PDHX: variants seen among roughly 807,000 people sequenced by gnomAD.
PDHX encodes the protein pyruvate dehydrogenase protein X component, mitochondrial.
In PDHX, 33 loss-of-function variants were observed where a neutral mutation model predicts 55.3. The observed-to-expected ratio is 0.60, with a 90% confidence interval of 0.45 to 0.80. The LOEUF is 0.80. Ranked by LOEUF, PDHX falls within the 30% of genes least tolerant of loss-of-function variation. The pLI, the probability that PDHX is intolerant of heterozygous loss-of-function variation, is 0.00. For missense variants in PDHX, 622 were observed against 619.9 expected (o/e 1.00, Z -0.04); for synonymous variants, 226 against 219.4 (o/e 1.03, Z -0.27).
chr11:34,935,020 C>A (rs2985404), intron 2 of PDHX, among the ~76,000 whole-genome samples: 56,536 of 151,624 alleles, frequency 0.37, 10,922 homozygotes, highest in East Asian at 0.74. Flanking sequence ...TTCAGAATAA[C>A]CCTGGTTGAG....
intron 1 of PDHX, among the ~76,000 whole-genome samples, chr11:34,923,460 A>G (rs1331156124): frequency 1.3e-5 from 2 of 152,158 alleles, no homozygotes; most frequent in Non-Finnish European, 2.9e-5. Context: ...TTTTATATAT[A>G]ATTCTGAGTC....
rs1855414955 is a variant in PDHX, at chr11:34,977,994, C to CA, written c.965-127dup. On this transcript the variant is annotated intron_variant, in intron 7 of 10. Transcript: ENST00000227868. ...AATCATGGGAACCTTATTGACTAAGCAAACAAAAGCTTGTAATTTTTTATC... is the reference window on the plus strand; with the variant it reads ...AATCATGGGAACCTTATTGACTAAGCAAAACAAAAGCTTGTAATTTTTTATC... 5 of 648,580 alleles carry CA rather than the reference C, an allele frequency of 7.7e-6. No homozygotes were observed. The South Asian group carries it at 8.9e-5, about 11-fold the overall frequency. The allele number at this position is 648,580 out of a possible 1,614,324, so 40.2% of individuals were successfully genotyped here. A position where few individuals can be genotyped will look rare whatever the true frequency, so the allele number is the denominator to read the frequency against.
intron 2 of PDHX, among the ~76,000 whole-genome samples, chr11:34,935,068 C>T (rs1057103358): frequency 1.3e-5 from 2 of 151,944 alleles, no homozygotes; most frequent in South Asian, 2.1e-4. Flanking sequence ...GAAACAAGAT[C>T]GGTCATGAAT....
At chr11:34,966,920 TGGCTCACTGC>T (rs1388104131) in intron 6 of PDHX, 106 bp downstream of exon 6, 3 of 972,230 alleles carry the variant, frequency 3.1e-6, no homozygotes, top group Non-Finnish European at 4.8e-6. Context: ...GGCACAATCT[TGGCTCACTGC>T]AGCCTCTGCC....
upstream of PDHX, chr11:34,916,530 G>T (rs1344207450): frequency 6.8e-7 from 1 of 1,466,232 alleles, no homozygotes; most frequent in South Asian, 1.3e-5. Flanking sequence ...TGGGGGGCGG[G>T]GGTTCAAGTC....
At chr11:34,936,797 T>G (rs976404234) in intron 2 of PDHX, among the ~76,000 whole-genome samples, 9 of 127,624 alleles carry the variant, frequency 7.1e-5, no homozygotes, top group South Asian at 2.8e-4. Flanking sequence ...TTTTTTTTTT[T>G]TTTTTTTTCT....
intron 10 of PDHX, among the ~76,000 whole-genome samples, chr11:34,994,561 A>G (rs1855819268): frequency 6.6e-6 from 1 of 152,234 alleles, no homozygotes. Flanking sequence ...CTATGATGCC[A>G]CTAGGCAGCA....
intron 7 of PDHX, among the ~76,000 whole-genome samples, chr11:34,973,758 CAT>C (rs1387325817): frequency 6.6e-6 from 1 of 152,090 alleles, no homozygotes; most frequent in Admixed American, 6.5e-5. Flanking sequence ...CCCCAGAATA[CAT>C]GTTTAATGTT....
At chr11:34,927,946 G>A (rs1854062123) in intron 1 of PDHX, among the ~76,000 whole-genome samples, 1 of 151,986 alleles carries the variant, frequency 6.6e-6, no homozygotes, top group Non-Finnish European at 1.5e-5. Flanking sequence ...TTCATGAAGG[G>A]TGACTAAGGA....
chr11:34,979,057 T>C (rs1855446347), intron 8 of PDHX, among the ~76,000 whole-genome samples: 1 of 151,984 alleles, frequency 6.6e-6, no homozygotes, highest in African/African-American at 2.4e-5. Flanking sequence ...CAAATGGAGC[T>C]AGGGTGAAGT....
chr11:34,950,001 A>G (rs1387830071), intron 3 of PDHX, among the ~76,000 whole-genome samples: 1 of 152,208 alleles, frequency 6.6e-6, no homozygotes, highest in Non-Finnish European at 1.5e-5. Flanking sequence ...TAAAAATAGC[A>G]GAATAATTAT....
At chr11:34,943,846 C>T (rs1167582773) in intron 2 of PDHX, among the ~76,000 whole-genome samples, 1 of 152,000 alleles carries the variant, frequency 6.6e-6, no homozygotes. Context: ...TTCTAGGAAG[C>T]CTTTTCTCAC....
intron 1 of PDHX, among the ~76,000 whole-genome samples, chr11:34,928,600 A>G (rs1036548664): frequency 1.3e-5 from 2 of 152,172 alleles, no homozygotes; most frequent in African/African-American, 4.8e-5. Flanking sequence ...TAAAAAAGAA[A>G]AAGGCAGTAG....
chr11:34,956,748 TA>T (rs1258935392), intron 3 of PDHX, among the ~76,000 whole-genome samples: 4 of 152,114 alleles, frequency 2.6e-5, no homozygotes, highest in African/African-American at 9.7e-5. Context: ...GATATACTTA[TA>T]AAAAAACTCA....
intron 9 of PDHX, 184 bp downstream of exon 9, chr11:34,984,912 C>A: frequency 1.7e-6 from 1 of 582,832 alleles, no homozygotes; most frequent in Non-Finnish European, 3.0e-6. Flanking sequence ...AAGTATGACC[C>A]ATTGTAAGAA....
At chr11:34,957,329 C>A (rs530669627) in intron 3 of PDHX, 55 bp from the exon 4 acceptor site, 1 of 1,095,378 alleles carries the variant, frequency 9.1e-7, no homozygotes, top group Non-Finnish European at 1.3e-6. Flanking sequence ...GAACAAACTA[C>A]TTAATGCAGT....
At chr11:34,939,786 A>G (rs1203701377) in intron 2 of PDHX, among the ~76,000 whole-genome samples, 1 of 152,230 alleles carries the variant, frequency 6.6e-6, no homozygotes, top group Non-Finnish European at 1.5e-5. Context: ...AATAAGTTTT[A>G]TAATGACTAT....
chr11:34,950,901 T>C (rs1458189871), intron 3 of PDHX, among the ~76,000 whole-genome samples: 3 of 150,558 alleles, frequency 2.0e-5, no homozygotes, highest in Non-Finnish European at 4.4e-5. Context: ...AGTAATGGGA[T>C]GGCTGGGTCA....
chr11:34,990,211 G>T (rs111480922), intron 9 of PDHX, among the ~76,000 whole-genome samples: 1 of 152,086 alleles, frequency 6.6e-6, no homozygotes, highest in South Asian at 2.1e-4. Context: ...TACCTTATAA[G>T]TACCCAGTAA....
Sources: gnomAD v4.1 joint callset for allele counts (sites outside exome capture counted in the v4.1 genomes callset) on GRCh38, gnomAD v4.1.1 for gene constraint, MANE v1.5 for transcripts, NCBI Gene and HGNC (gene_info 2026-07-23, HGNC 2026-07-21) for gene names.